The following FSIP1 variants were observed in gnomAD, a reference collection of about 807,000 sequenced individuals.
FSIP1 encodes the protein fibrous sheath-interacting protein 1.
Under a neutral mutation model 60.9 loss-of-function variants are expected in FSIP1, and 65 were observed. That is an observed-to-expected ratio of 1.07 (90% CI 0.87 to 1.31). The LOEUF is 1.31. Among genes scored for constraint, FSIP1 ranks in the 40% most tolerant of loss-of-function variants. The probability of loss-of-function intolerance (pLI) is 0.00; values close to 1 mark genes in which losing one functional copy is unlikely to be tolerated. For missense variants in FSIP1, 675 were observed against 665.5 expected, an observed-to-expected ratio of 1.01 and a Z score of -0.16; for synonymous variants, 209 against 221.2, an observed-to-expected ratio of 0.94 and a Z score of 0.49.
intron 10 of FSIP1, among the ~76,000 whole-genome samples, chr15:39,621,971 G>T (rs1891457223): frequency 6.6e-6 from 1 of 152,186 alleles, no homozygotes; most frequent in African/African-American, 2.4e-5. Flanking sequence ...ATTTTTTAAG[G>T]CACTATATTG....
intron 10 of FSIP1, among the ~76,000 whole-genome samples, chr15:39,652,631 A>G (rs896570805): frequency 4.6e-5 from 7 of 152,196 alleles, no homozygotes; most frequent in Non-Finnish European, 8.8e-5. Context: ...TAACTTCAAA[A>G]GCAAACACAA....
chr15:39,770,370 G>T (rs1256602966), intron 3 of FSIP1, 57 bp downstream of exon 3: 7 of 1,277,340 alleles, frequency 5.5e-6, no homozygotes, highest in Non-Finnish European at 7.4e-6. Context: ...TATAACATTT[G>T]TAATAATCAT....
intron 10 of FSIP1, among the ~76,000 whole-genome samples, chr15:39,711,985 C>A (rs12910355): frequency 0.22 from 32,900 of 151,898 alleles, 4,605 homozygotes; most frequent in Non-Finnish European, 0.31. Flanking sequence ...CCGCACCCAG[C>A]CCATTCCTAC....
chr15:39,630,474 T>A (rs11638041), intron 10 of FSIP1, among the ~76,000 whole-genome samples: 27,576 of 152,144 alleles, frequency 0.18, 3,048 homozygotes, highest in East Asian at 0.32. Context: ...AGCGGGTCCC[T>A]TATTAGGTGG....
At chr15:39,606,457 G>T (rs1417929035) in intron 11 of FSIP1, among the ~76,000 whole-genome samples, 1 of 152,150 alleles carries the variant, frequency 6.6e-6, no homozygotes, top group East Asian at 1.9e-4. Flanking sequence ...TCAATTCTCT[G>T]TGTTAAGAAC....
At chr15:39,599,158 A>C (rs1890553593), downstream of FSIP1, 2 of 152,174 alleles carry the variant, frequency 1.3e-5, no homozygotes, top group Admixed American at 6.5e-5. Context: ...CTAAAGGGAA[A>C]TCCAAAATAA....
At chr15:39,613,414 A>AG (rs57819266) in intron 11 of FSIP1, among the ~76,000 whole-genome samples, 33,493 of 152,082 alleles carry the variant, frequency 0.22, 4,828 homozygotes, top group African/African-American at 0.4. Context: ...ATAAAGAAAC[A>AG]AAAATCTGAA....
At chr15:39,729,456 C>T (rs138815972) in intron 8 of FSIP1, among the ~76,000 whole-genome samples, 42 of 152,202 alleles carry the variant, frequency 2.8e-4, no homozygotes, top group African/African-American at 9.6e-4. Context: ...CACCTGTAGT[C>T]CCAGATACGA....
chr15:39,709,881 C>T (rs900148035), intron 10 of FSIP1, among the ~76,000 whole-genome samples: 4 of 152,180 alleles, frequency 2.6e-5, no homozygotes, highest in African/African-American at 4.8e-5. Context: ...AAGCCACCCT[C>T]ACCTGCTGCT....
At chr15:39,726,537 T>C in intron 9 of FSIP1, 52 bp downstream of exon 9, 1 of 1,587,966 alleles carries the variant, frequency 6.3e-7, no homozygotes, top group Non-Finnish European at 8.6e-7. Flanking sequence ...TAAAATTATG[T>C]GAACAGCTTT....
At chr15:39,635,822 T>G (rs188184838) in intron 10 of FSIP1, among the ~76,000 whole-genome samples, 5 of 152,258 alleles carry the variant, frequency 3.3e-5, no homozygotes, top group Non-Finnish European at 7.3e-5. Flanking sequence ...GTGCTGCTGC[T>G]TAAGCTCTAT....
rs756588220 is a variant in FSIP1, at chr15:39,617,691, C to T, written c.1699+44G>A. On this transcript the variant is annotated intron_variant, in intron 11 of 11. Transcript: ENST00000350221. ...ACCATAATACCTTTATATTGAGGTG[C>T]TTTTAAGAATTATTTACCAAAACAC... is the stretch of plus-strand genomic sequence containing the variant. The T allele has an allele frequency of 7.2e-6, 11 of 1,536,644 alleles. No homozygotes were observed. The East Asian group carries it at 2.3e-4, about 31-fold the overall frequency.
At chr15:39,772,029 T>C (rs920876721) in intron 2 of FSIP1, among the ~76,000 whole-genome samples, 2 of 152,312 alleles carry the variant, frequency 1.3e-5, no homozygotes, top group Middle Eastern at 3.4e-3. Context: ...CACTTCAGCG[T>C]ACCCCAAGAC....
intron 1 of FSIP1, among the ~76,000 whole-genome samples, chr15:39,777,266 T>A (rs1376472774): frequency 6.6e-6 from 1 of 151,984 alleles, no homozygotes; most frequent in Non-Finnish European, 1.5e-5. Flanking sequence ...TCAGCCTTCT[T>A]CCCTCTCAGC....
chr15:39,630,337 C>A (rs1363546087), intron 10 of FSIP1, among the ~76,000 whole-genome samples: 2 of 152,028 alleles, frequency 1.3e-5, no homozygotes, highest in Non-Finnish European at 2.9e-5. Context: ...GAACTGAATC[C>A]AAATTCAGAA....
At chr15:39,738,434 C>T (rs1176028293) in intron 7 of FSIP1, among the ~76,000 whole-genome samples, 1 of 152,166 alleles carries the variant, frequency 6.6e-6, no homozygotes, top group Non-Finnish European at 1.5e-5. Flanking sequence ...ACCACTCCAA[C>T]AGACATTTTA....
At chr15:39,648,156 C>G (rs572314010) in intron 10 of FSIP1, among the ~76,000 whole-genome samples, 1 of 85,722 alleles carries the variant, frequency 1.2e-5, no homozygotes, top group African/African-American at 5.2e-5. Context: ...TACCCTAAAA[C>G]TTAAAGTATA....
At chr15:39,601,274 T>C (rs563687954) in intron 11 of FSIP1, among the ~76,000 whole-genome samples, 4 of 152,294 alleles carry the variant, frequency 2.6e-5, no homozygotes, top group East Asian at 3.9e-4. Context: ...ATATGTAGAA[T>C]AGATAAGAGC....
At chr15:39,601,628 G>C (rs1462311260) in intron 11 of FSIP1, among the ~76,000 whole-genome samples, 2 of 152,182 alleles carry the variant, frequency 1.3e-5, no homozygotes. Context: ...ATATGTAATA[G>C]CCAAAAAGTG....
Sources: gnomAD v4.1 joint callset for allele counts (sites outside exome capture counted in the v4.1 genomes callset) on GRCh38, gnomAD v4.1.1 for gene constraint, MANE v1.5 for transcripts, NCBI Gene and HGNC (gene_info 2026-07-23, HGNC 2026-07-21) for gene names.